Variants in SHANK2 observed in about 807,000 individuals in gnomAD.
SHANK2 encodes the protein SH3 and multiple ankyrin repeat domains 2, also known as SH3 and multiple ankyrin repeat domains protein 2.
A neutral mutation model predicts 133.7 loss-of-function variants in SHANK2; 43 were observed. The observed-to-expected ratio is 0.32, with a 90% CI of 0.25 to 0.41. The LOEUF (loss-of-function observed/expected upper bound fraction) is 0.41. Among genes scored for constraint, SHANK2 ranks in the 10% least tolerant of loss-of-function variants. The pLI is 1.00. For synonymous variants in SHANK2, 1,017 were observed against 952.8 expected, an observed-to-expected ratio of 1.07 and a Z score of -1.24; for missense variants, 1,994 against 2,235.8, an observed-to-expected ratio of 0.89 and a Z score of 2.18.
chr11:70,525,374 C>T (rs2059382570), intron 17 of SHANK2, among the ~76,000 whole-genome samples: 1 of 152,170 alleles, frequency 6.6e-6, no homozygotes, highest in Non-Finnish European at 1.5e-5. Context: ...AGCCCCTCTC[C>T]AAGAGTTAAG....
Position 71,094,522 on chromosome 11 carries a change from T to C in SHANK2, c.744+15A>G, listed in dbSNP as rs1361222388. On this transcript the variant is annotated intron_variant, in intron 7 of 25. Transcript: ENST00000601538. Reference sequence around the variant, plus strand: ...AGCACGGGGTGGCACCCAAGTAAGATGGGCCCGAGTTTACCTTCAGGGCAA... The same window carrying C: ...AGCACGGGGTGGCACCCAAGTAAGACGGGCCCGAGTTTACCTTCAGGGCAA... 3.2e-6 allele frequency: 5 copies of C among 1,546,332 alleles called. No individual in the cohort carries two copies. The African/African-American group carries it at 6.9e-5, about 21-fold the overall frequency.
chr11:70,622,368 C>T (rs71467496), intron 17 of SHANK2, among the ~76,000 whole-genome samples: 1 of 152,146 alleles, frequency 6.6e-6, no homozygotes. Flanking sequence ...CCTCAGTCCT[C>T]TCCACCCCGG....
chr11:70,605,368 C>T (rs552244955), intron 17 of SHANK2, among the ~76,000 whole-genome samples: 202 of 152,338 alleles, frequency 1.3e-3, no homozygotes, highest in Admixed American at 1.7e-3. Context: ...GGTGAGCCCG[C>T]GACAGGCGCA....
intron 16 of SHANK2, 115 bp from the exon 17 acceptor site, chr11:70,660,067 G>A: frequency 7.3e-7 from 1 of 1,374,514 alleles, no homozygotes; most frequent in Non-Finnish European, 1.0e-6. Context: ...TCCCATTGCA[G>A]GTGGCTAGTC....
chr11:70,560,908 T>A (rs1198329244), intron 17 of SHANK2, among the ~76,000 whole-genome samples: 1 of 152,000 alleles, frequency 6.6e-6, no homozygotes, highest in African/African-American at 2.4e-5. Context: ...ATTACAGGCG[T>A]GAGCCACGGT....
At chr11:70,675,152 CA>C (rs1357606108) in intron 15 of SHANK2, among the ~76,000 whole-genome samples, 1 of 152,182 alleles carries the variant, frequency 6.6e-6, no homozygotes, top group African/African-American at 2.4e-5. Flanking sequence ...TTCTGGAAAA[CA>C]AAGAAACACC....
chr11:71,226,657 C>T (rs1490973475), intron 1 of SHANK2: 1 of 151,906 alleles, frequency 6.6e-6, no homozygotes, highest in Non-Finnish European at 1.5e-5. Flanking sequence ...AATTTTATAC[C>T]AACAAAAATA....
intron 2 of SHANK2, among the ~76,000 whole-genome samples, chr11:71,215,988 G>T (rs1395551476): frequency 5.3e-5 from 8 of 152,072 alleles, no homozygotes; most frequent in Admixed American, 2.6e-4. Flanking sequence ...AGCAGGCAAG[G>T]GAGTGGAGCA....
intron 17 of SHANK2, among the ~76,000 whole-genome samples, chr11:70,605,278 A>G (rs1554991998): frequency 6.6e-6 from 1 of 152,202 alleles, no homozygotes; most frequent in East Asian, 1.9e-4. Flanking sequence ...GGGGGTGGGA[A>G]CACCCAGAGT....
intron 15 of SHANK2, among the ~76,000 whole-genome samples, chr11:70,692,693 C>T (rs1280867976): frequency 2.0e-5 from 3 of 152,180 alleles, no homozygotes; most frequent in African/African-American, 7.2e-5. Flanking sequence ...CTATCAATTT[C>T]CTGCATATCT....
At chr11:71,144,233 T>C (rs72957691) in intron 3 of SHANK2, among the ~76,000 whole-genome samples, 24,577 of 152,166 alleles carry the variant, frequency 0.16, 2,366 homozygotes, top group South Asian at 0.3. Context: ...CGTGCACCCA[T>C]GCACACATAA....
At chr11:71,137,262 T>TA (rs1491279035) in intron 3 of SHANK2, among the ~76,000 whole-genome samples, 1 of 140,032 alleles carries the variant, frequency 7.1e-6, no homozygotes, top group African/African-American at 2.8e-5. Context: ...TCTTTTTTTT[T>TA]AAATCCTTTT....
At chr11:70,647,004 G>A (rs889164060) in intron 17 of SHANK2, among the ~76,000 whole-genome samples, 29 of 152,106 alleles carry the variant, frequency 1.9e-4, no homozygotes, top group African/African-American at 6.5e-4. Context: ...TGGTACTACA[G>A]GTGTCCGCCA....
intron 14 of SHANK2, among the ~76,000 whole-genome samples, chr11:70,794,673 T>G (rs554154125): frequency 5.3e-5 from 8 of 152,298 alleles, no homozygotes; most frequent in Admixed American, 5.2e-4. Flanking sequence ...TTCTTATGCC[T>G]CGGCCTCCCA....
chr11:70,730,115 T>A (rs116808707), intron 14 of SHANK2, among the ~76,000 whole-genome samples: 120 of 152,228 alleles, frequency 7.9e-4, no homozygotes, highest in African/African-American at 2.7e-3. Flanking sequence ...GAGGAGGAAG[T>A]GGGACCTGTG....
intron 10 of SHANK2, among the ~76,000 whole-genome samples, chr11:70,906,820 G>A (rs1230546691): frequency 1.3e-5 from 2 of 152,138 alleles, no homozygotes; most frequent in Admixed American, 6.5e-5. Flanking sequence ...AAGGTCAGGG[G>A]TCGCCGAGTT....
At chr11:71,115,041 C>T (rs1235924142) in intron 4 of SHANK2, among the ~76,000 whole-genome samples, 3 of 152,194 alleles carry the variant, frequency 2.0e-5, no homozygotes, top group Non-Finnish European at 4.4e-5. Flanking sequence ...ATTTCATAAG[C>T]AGCCCACCAT....
chr11:70,495,372 G>C (rs1565537502), intron 21 of SHANK2, among the ~76,000 whole-genome samples: 1 of 152,228 alleles, frequency 6.6e-6, no homozygotes, highest in Admixed American at 6.5e-5. Context: ...TCGCCGATCA[G>C]CTGGGCTTCT....
At chr11:70,586,417 G>A (rs114908181) in intron 17 of SHANK2, among the ~76,000 whole-genome samples, 2,154 of 152,244 alleles carry the variant, frequency 0.014, 46 homozygotes, top group African/African-American at 0.047. Context: ...TTCTGGGGCC[G>A]GGGTCACCTA....
Sources: allele counts gnomAD v4.1 joint callset (sites outside exome capture counted in the v4.1 genomes callset), GRCh38; gene constraint gnomAD v4.1.1; transcripts MANE v1.5; gene names NCBI Gene and HGNC (gene_info 2026-07-23, HGNC 2026-07-21).